Variants in EML3 observed in about 807,000 individuals in gnomAD.
EML3 encodes the protein EMAP like 3, also known as echinoderm microtubule-associated protein-like 3.
Under a neutral mutation model 106.7 loss-of-function variants are expected in EML3, and 53 were observed. The ratio of observed to expected loss-of-function variants is 0.50; its 90% CI spans 0.40 to 0.62. The LOEUF (loss-of-function observed/expected upper bound fraction) is 0.62, where lower values mean the gene tolerates loss of function less well. EML3 is among the 20% of genes least tolerant of loss of function. EML3 has a pLI of 0.00. For missense variants in EML3, 994 were observed against 1,209.1 expected (o/e 0.82, Z 2.64); for synonymous variants, 499 against 489.6 (o/e 1.02, Z -0.25).
At chr11:62,606,599 G>A (rs944401358) in intron 12 of EML3, among the ~76,000 whole-genome samples, 9 of 152,260 alleles carry the variant, frequency 5.9e-5, no homozygotes, top group African/African-American at 2.2e-4. Context: ...GCTCACGCCT[G>A]TAATCCCAGC....
rs756021650 is a variant in EML3 at position 62,611,302 on chromosome 11, G to A, written c.237C>T (p.Ser79=). The change falls in exon 3 of 22, where the codon TCC becomes TCT. Residue 79 remains serine, a synonymous_variant. Transcript: ENST00000394773. ...CCGTCTGGGTGCCTCGGCTCACCAA[G>A]GAAGGGGTGCACGTGGGTGGCAGTC... ...PPGLPPTCTP[S]LVSRGTQTET... 1.9e-6 allele frequency: 3 copies of A among 1,612,918 alleles called. No individual in the cohort carries two copies. In the African/African-American group the frequency reaches 4.0e-5, roughly 22 times the overall value.
At chr11:62,610,856 G>T in intron 4 of EML3, 23 bp downstream of exon 4, 1 of 1,575,526 alleles carries the variant, frequency 6.3e-7, no homozygotes, top group African/African-American at 1.4e-5. Flanking sequence ...GGGCGGGGTG[G>T]GTTGAGGGGA....
chr11:62,611,005 T>G lies in EML3; in HGVS notation c.453-13A>C. On this transcript the variant is annotated splice_polypyrimidine_tract_variant and intron_variant, in intron 3 of 21. Transcript: ENST00000394773. The stretch of plus-strand genomic sequence containing the variant: ...ATTTCTTCGCGGCCTGGTGGGGGCA[T>G]AGTGAAGGTCATTCCCTCCAACTGT... 1 of 1,611,886 alleles carries G rather than the reference T, an allele frequency of 6.2e-7. No individual in the cohort carries two copies. Among genetic ancestry groups the G allele is most frequent in the Non-Finnish European group, 8.5e-7 (1 of 1,179,440 alleles).
Position 62,603,962 on chromosome 11 carries a change from G to A in EML3, c.2151C>T (p.Ser717=). 1 of 1,614,070 alleles carries A rather than the reference G, an allele frequency of 6.2e-7. No homozygotes were observed. Among genetic ancestry groups the A allele is most frequent in the Non-Finnish European group, 8.5e-7 (1 of 1,180,028 alleles). Residue 717 remains serine (S), a synonymous_variant, in exon 18 of 22, where the codon AGC becomes AGT. Transcript: ENST00000394773. ...YSVSSDGAKS[S]RFGRCMGHSS... is the part of the protein sequence containing the mutation. ...TCCTCACCATACAGCGGCCAAAGCGGCTGGATTTGGCACCATCACTGGAAA... is the reference window on the plus strand; with the variant it reads ...TCCTCACCATACAGCGGCCAAAGCGACTGGATTTGGCACCATCACTGGAAA...
rs767266789 is a variant in EML3, at chr11:62,611,432, C to G, written c.187G>C (p.Gly63Arg). 9 of 1,613,740 alleles carry G rather than the reference C, an allele frequency of 5.6e-6. No individual in the cohort carries two copies. In the South Asian group the frequency reaches 8.8e-5, roughly 16 times the overall value. The change falls in exon 2 of 22, where the codon GGG becomes CGG. Residue 63 changes from glycine (G) to arginine (R), a missense_variant. Physicochemically the swap from Gly to Arg is moderately radical, Grantham distance 125 (BLOSUM62 -2). Transcript: ENST00000394773. ...LQGSGTPAPPGDSLAAPPGLP... is the reference protein window; with the variant it reads ...LQGSGTPAPPRDSLAAPPGLP... ...GTGTGATGACATGCATACCTGTCCC[C>G]CGGAGGAGCTGGTGTGCCAGAGCCC...
In EML3 at chr11:62,603,984, G is replaced by C; in HGVS notation, c.2129C>G (p.Ser710Cys). 6.2e-7 allele frequency: 1 copy of C among 1,614,132 alleles called. No individual in the cohort carries two copies. Among genetic ancestry groups the C allele is most frequent in the Non-Finnish European group, 8.5e-7 (1 of 1,180,040 alleles). Reference protein sequence around the residue: ...HDNVIYIYSVSSDGAKSSRFG... With the variant: ...HDNVIYIYSVCSDGAKSSRFG... ...GCGGCTGGATTTGGCACCATCACTGGAAACACTATAGATGTAGATCACGTT... is the reference window on the plus strand; with the variant it reads ...GCGGCTGGATTTGGCACCATCACTGCAAACACTATAGATGTAGATCACGTT... Residue 710 changes from serine (S) to cysteine (C), a missense_variant, in exon 18 of 22, where the codon TCC (serine) becomes TGC (cysteine). Coordinates refer to ENST00000394773, the MANE Select transcript of EML3 (RefSeq NM_153265.3).
chr11:62,605,775 T>G lies in EML3; in HGVS notation c.1783-2A>C. On this transcript the variant is annotated splice_acceptor_variant, in intron 14 of 21. Transcript: ENST00000394773. LOFTEE classifies it high-confidence loss of function. The surrounding 1 kb of genome is among the most constrained non-coding windows in gnomAD (Gnocchi z 5.2). ...CCCCCAGAGCTCATCAGTGTGGCCC[T>G]GCAGCACAGCATGACTGTCACTCCT... 3.1e-6 allele frequency: 5 copies of G among 1,598,310 alleles called. No individual in the cohort carries two copies. The highest frequency in any genetic ancestry group is 4.3e-6 in the Non-Finnish European group (5 of 1,170,690).
At chr11:62,609,784 C>G in intron 4 of EML3, 88 bp from the exon 5 acceptor site, 1 of 1,137,426 alleles carries the variant, frequency 8.8e-7, no homozygotes, top group East Asian at 2.5e-5. Flanking sequence ...GAGGTCACTG[C>G]AGAAACCACA....
At chr11:62,610,139 C>T (rs1459246054) in intron 4 of EML3, among the ~76,000 whole-genome samples, 2 of 152,218 alleles carry the variant, frequency 1.3e-5, no homozygotes, top group African/African-American at 2.4e-5. Context: ...CTTTTCATTT[C>T]CCCATCCGTA....
rs1328888778 is a variant in EML3, at chr11:62,605,008, G to A, written c.1982+105C>T. 1 of 1,162,140 alleles carries A rather than the reference G, an allele frequency of 8.6e-7. No homozygotes were observed. The highest frequency in any genetic ancestry group is 1.2e-6 in the Non-Finnish European group (1 of 839,000). 72.0% of individuals were successfully genotyped at this position (1,162,140 alleles called of 1,614,324 possible). On this transcript the variant is annotated intron_variant, in intron 16 of 21. Coordinates refer to ENST00000394773, the MANE Select transcript of EML3 (RefSeq NM_153265.3). The surrounding 1 kb of genome is among the most constrained non-coding windows in gnomAD (Gnocchi z 5.2). ...AGGCACAGAGGAGTGCCAAGGCGCAGGTGGCTCCTGGGTAGAGGTGGTCAC... is the reference window on the plus strand; with the variant it reads ...AGGCACAGAGGAGTGCCAAGGCGCAAGTGGCTCCTGGGTAGAGGTGGTCAC...
intron 10 of EML3, 109 bp downstream of exon 10, chr11:62,608,092 G>A: frequency 8.9e-7 from 1 of 1,125,388 alleles, no homozygotes; most frequent in Non-Finnish European, 1.3e-6. Context: ...TTTGCCCCAT[G>A]TGACCCAGCC....
Position 62,607,702 on chromosome 11 carries a change from C to T in EML3, c.1326G>A (p.Gly442=), listed in dbSNP as rs760236724. The T allele has an allele frequency of 5.7e-5, 92 of 1,613,960 alleles. 1 individual carries two copies. The highest frequency in any genetic ancestry group is 7.6e-5 in the Non-Finnish European group (90 of 1,180,026). Residue 442 remains glycine (G), a synonymous_variant, in exon 11 of 22, where the codon GGG becomes GGA. Coordinates refer to ENST00000394773, the MANE Select transcript of EML3 (RefSeq NM_153265.3). ...CCTGTTTCCGGGTAAGGGTCCCATT[C>T]CCAGGAACCCCTACTCCACCACTCC... ...WNWSGGVGVP[G]NGTLTRKQGV...
chr11:62,610,413 T>C (rs571258543), intron 4 of EML3, among the ~76,000 whole-genome samples: 1 of 152,226 alleles, frequency 6.6e-6, no homozygotes, highest in East Asian at 1.9e-4. Flanking sequence ...ATTAATAGAT[T>C]GGTACTTGGT....
intron 12 of EML3, 41 bp downstream of exon 12, chr11:62,606,917 T>A: frequency 6.3e-7 from 1 of 1,582,866 alleles, no homozygotes; most frequent in Non-Finnish European, 8.6e-7. Flanking sequence ...ACAGAACCTC[T>A]GGAGTACTAC....
chr11:62,612,055 A>G lies in EML3; in HGVS notation c.22+381T>C, dbSNP rs1401556356. ...GAATGGAGTCATACTGAGGACCCAGAGTACAAGAAAAGAGATCCAGAGTGA... is the reference window on the plus strand; with the variant it reads ...GAATGGAGTCATACTGAGGACCCAGGGTACAAGAAAAGAGATCCAGAGTGA... On this transcript the variant is annotated intron_variant, in intron 1 of 21. Coordinates refer to ENST00000394773, the MANE Select transcript of EML3 (RefSeq NM_153265.3). The G allele has an allele frequency of 2.3e-5, 9 of 389,056 alleles. No homozygotes were observed. The East Asian group carries it at 4.6e-4, about 20-fold the overall frequency. 24.1% of individuals were successfully genotyped at this position (389,056 alleles called of 1,614,324 possible).
intron 4 of EML3, among the ~76,000 whole-genome samples, chr11:62,610,338 C>T (rs909273669): frequency 1.3e-5 from 2 of 152,120 alleles, no homozygotes; most frequent in African/African-American, 2.4e-5. Flanking sequence ...GTCCTGGGGC[C>T]CGTACATACT....
In EML3 at chr11:62,602,261, G is replaced by A; in HGVS notation, c.*214C>T. On this transcript the variant is annotated 3_prime_UTR_variant, in exon 22 of 22. Coordinates refer to ENST00000394773, the MANE Select transcript of EML3 (RefSeq NM_153265.3). Reference sequence around the variant, plus strand: ...TATTGCCCCTCAGCAGGCAGCGGGAGTCAAGGCCTAGGCTGGGGCTGCCCG... The same window carrying A: ...TATTGCCCCTCAGCAGGCAGCGGGAATCAAGGCCTAGGCTGGGGCTGCCCG... 6.5e-7 allele frequency: 1 copy of A among 1,547,928 alleles called. No individual in the cohort carries two copies. Among genetic ancestry groups the A allele is most frequent in the Non-Finnish European group, 8.7e-7 (1 of 1,145,310 alleles).
At position 62,606,974 on chromosome 11, in the gene EML3, G is replaced by T; in HGVS notation, c.1488C>A (p.Gly496=). 6.2e-7 allele frequency: 1 copy of T among 1,613,788 alleles called. No homozygotes were observed. Among genetic ancestry groups the T allele is most frequent in the Non-Finnish European group, 8.5e-7 (1 of 1,179,818 alleles). Residue 496 remains glycine, a synonymous_variant, in exon 12 of 22, where the codon GGC becomes GGA. Coordinates refer to ENST00000394773, the MANE Select transcript of EML3 (RefSeq NM_153265.3). ...GCCACATACCTTTGGCGCCACCCCT[G>T]CCTGGGGTCTTGGAATCTGAAGGGC... The part of the protein sequence containing the change: ...GRSPSDSKTP[G]RGGAKETYGI...
intron 4 of EML3, 49 bp downstream of exon 4, chr11:62,610,830 C>A (rs1554966826): frequency 6.6e-7 from 1 of 1,518,088 alleles, no homozygotes; most frequent in Non-Finnish European, 9.0e-7. Context: ...TATGGAAAGT[C>A]GAGAGCCTGC....
Sources: allele counts gnomAD v4.1 joint callset (sites outside exome capture counted in the v4.1 genomes callset), GRCh38; gene constraint gnomAD v4.1.1; non-coding constraint Gnocchi (gnomAD v3.1); transcripts MANE v1.5; gene names NCBI Gene and HGNC (gene_info 2026-07-23, HGNC 2026-07-21).